EHBP1: variants seen among roughly 807,000 people sequenced by gnomAD.
EHBP1 encodes the protein EH domain-binding protein 1.
In EHBP1, 55 loss-of-function variants were observed where a neutral mutation model predicts 144.0. The observed-to-expected ratio is 0.38, with a 90% CI of 0.31 to 0.48. The LOEUF is 0.48. EHBP1 is among the 20% of genes least tolerant of loss of function. The pLI, the probability that EHBP1 is intolerant of heterozygous loss-of-function variation, is 0.98. For synonymous variants in EHBP1, 469 were observed against 472.7 expected (o/e 0.99, Z 0.10); for missense variants, 1,200 against 1,364.2 (o/e 0.88, Z 1.90).
intron 14 of EHBP1, among the ~76,000 whole-genome samples, chr2:62,957,836 C>T (rs1379815387): frequency 6.6e-6 from 1 of 151,754 alleles, no homozygotes; most frequent in African/African-American, 2.4e-5. Context: ...TTAGTAGAGA[C>T]AGGGTTTCAC....
In EHBP1 at chr2:63,037,608, A is replaced by G. The variant is rs1370052973; in HGVS notation, c.3177A>G (p.Ile1059Met). The change falls in exon 20 of 23, where the codon ATA (isoleucine) becomes ATG (methionine). Residue 1059 changes from isoleucine (I) to methionine (M), a missense_variant. Around this residue, in one of 6 missense-constraint regions of EHBP1, gnomAD observed 149 missense variants for 217.0 expected, o/e 0.69. Coordinates refer to ENST00000431489, the MANE Select transcript of EHBP1 (RefSeq NM_001142616.3). ...FMLVNKKNAL[I>M]RRMNQLSLLE... ...TAGTTAATAAGAAAAATGCCTTAAT[A>G]AGGAGAATGAATCAGCTCTCTCTTC... is the stretch of plus-strand genomic sequence containing the variant. 1 of 1,600,300 alleles carries G rather than the reference A, an allele frequency of 6.2e-7. No homozygotes were observed. The highest frequency in any genetic ancestry group is 1.7e-5 in the Admixed American group (1 of 59,032).
chr2:62,863,840 G>GTTTTTTTTTTT (rs70962797), intron 8 of EHBP1, among the ~76,000 whole-genome samples: 1 of 82,734 alleles, frequency 1.2e-5, no homozygotes, highest in Non-Finnish European at 2.1e-5. Flanking sequence ...TTTCTGTGTT[G>GTTTTTTTTTTT]TTTTTTTTTT....
intron 5 of EHBP1, among the ~76,000 whole-genome samples, chr2:62,791,960 C>T (rs2043190990): frequency 6.6e-6 from 1 of 151,992 alleles, no homozygotes; most frequent in Non-Finnish European, 1.5e-5. Context: ...TACTTGTTCT[C>T]TTCATATCGC....
intron 5 of EHBP1, among the ~76,000 whole-genome samples, chr2:62,818,534 A>G (rs982160385): frequency 7.2e-5 from 11 of 152,124 alleles, no homozygotes; most frequent in African/African-American, 2.7e-4. Flanking sequence ...TGTTCACACA[A>G]TGATGCATTT....
At chr2:62,839,992 A>G (rs1301263602) in intron 7 of EHBP1, among the ~76,000 whole-genome samples, 1 of 152,186 alleles carries the variant, frequency 6.6e-6, no homozygotes, top group Non-Finnish European at 1.5e-5. Flanking sequence ...AAACTACTTT[A>G]AAGTTCATAT....
At chr2:62,684,716 A>G (rs1470715934) in intron 1 of EHBP1, among the ~76,000 whole-genome samples, 2 of 152,222 alleles carry the variant, frequency 1.3e-5, no homozygotes, top group African/African-American at 4.8e-5. Flanking sequence ...TAGAAGGAAA[A>G]TTATGTTCCT....
At chr2:62,832,377 G>A (rs1448297303) in intron 7 of EHBP1, among the ~76,000 whole-genome samples, 1 of 149,854 alleles carries the variant, frequency 6.7e-6, no homozygotes, top group Non-Finnish European at 1.5e-5. Flanking sequence ...TCTCATTACA[G>A]GCATAGTTTG....
chr2:62,940,094 G>A, intron 10 of EHBP1: 2 of 434,274 alleles, frequency 4.6e-6, no homozygotes, highest in South Asian at 1.7e-5. Context: ...GACCAGTTGG[G>A]ATGCCTACCA....
chr2:62,842,374 C>T (rs561675784), intron 7 of EHBP1, among the ~76,000 whole-genome samples: 9 of 152,196 alleles, frequency 5.9e-5, no homozygotes, highest in South Asian at 2.1e-4. Context: ...CGTGAGCCAC[C>T]GCGCCTGGCC....
At chr2:62,957,641 C>CTGTTTTTT (rs2057769348) in intron 14 of EHBP1, among the ~76,000 whole-genome samples, 1 of 87,174 alleles carries the variant, frequency 1.1e-5, no homozygotes, top group Non-Finnish European at 2.0e-5. Context: ...AAAATAAATG[C>CTGTTTTTT]TTTTTTTTTT....
chr2:62,951,541 G>GT (rs1369599633), intron 13 of EHBP1, among the ~76,000 whole-genome samples: 3 of 141,766 alleles, frequency 2.1e-5, no homozygotes, highest in African/African-American at 5.2e-5. Context: ...TTTTGGGGGG[G>GT]GGGGGTGGAG....
intron 5 of EHBP1, among the ~76,000 whole-genome samples, chr2:62,805,693 T>C (rs1573447112): frequency 6.6e-6 from 1 of 152,076 alleles, no homozygotes; most frequent in East Asian, 1.9e-4. Flanking sequence ...TGTTTTGTAT[T>C]TTTGTTGGAG....
intron 14 of EHBP1, among the ~76,000 whole-genome samples, chr2:62,966,149 TTTGTC>T (rs1400993004): frequency 2.0e-5 from 3 of 152,234 alleles, no homozygotes; most frequent in Non-Finnish European, 4.4e-5. Context: ...ATAATAGAAC[TTTGTC>T]TTGAAGTATT....
At chr2:62,966,163 T>A (rs1016666388) in intron 14 of EHBP1, among the ~76,000 whole-genome samples, 1 of 152,234 alleles carries the variant, frequency 6.6e-6, no homozygotes, top group Non-Finnish European at 1.5e-5. Flanking sequence ...TCTTGAAGTA[T>A]TTCAGTTGCA....
At chr2:62,974,254 A>G (rs1407127533) in intron 14 of EHBP1, among the ~76,000 whole-genome samples, 1 of 152,124 alleles carries the variant, frequency 6.6e-6, no homozygotes, top group Non-Finnish European at 1.5e-5. Context: ...CTTGCTATGT[A>G]GCCCAGTTGC....
intron 10 of EHBP1, among the ~76,000 whole-genome samples, chr2:62,890,162 T>G (rs1170779584): frequency 6.6e-6 from 1 of 152,018 alleles, no homozygotes; most frequent in Non-Finnish European, 1.5e-5. Context: ...GGTCTCGATC[T>G]CCAGACCTTG....
At chr2:62,886,103 G>A (rs746016565) in intron 10 of EHBP1, among the ~76,000 whole-genome samples, 9 of 152,260 alleles carry the variant, frequency 5.9e-5, no homozygotes, top group Admixed American at 1.3e-4. Flanking sequence ...AAACCACAAA[G>A]CAAGCACCCT....
intron 9 of EHBP1, among the ~76,000 whole-genome samples, chr2:62,870,975 A>C (rs1027343121): frequency 3.9e-5 from 6 of 152,026 alleles, no homozygotes; most frequent in African/African-American, 1.4e-4. Flanking sequence ...TCTAAACCCA[A>C]ACCCAGGTTG....
chr2:62,795,519 A>G (rs916796510), intron 5 of EHBP1, among the ~76,000 whole-genome samples: 1 of 152,070 alleles, frequency 6.6e-6, no homozygotes, highest in Non-Finnish European at 1.5e-5. Flanking sequence ...TTCTTAAGGC[A>G]TCAGTACAGT....
Sources: gnomAD v4.1 joint callset for allele counts (sites outside exome capture counted in the v4.1 genomes callset) on GRCh38, gnomAD v4.1.1 for gene constraint, gnomAD v4.1.1 regional missense constraint, MANE v1.5 for transcripts, NCBI Gene and HGNC (gene_info 2026-07-23, HGNC 2026-07-21) for gene names.